The following EYS variants were observed in gnomAD, a reference collection of about 807,000 sequenced individuals.
EYS encodes protein eyes shut homolog.
A neutral mutation model predicts 282.1 loss-of-function variants in EYS; 250 were observed. The observed-to-expected ratio is 0.89, with a 90% CI of 0.80 to 0.98. EYS has a LOEUF of 0.98. Ranked by LOEUF, EYS falls within the 50% of genes least tolerant of loss-of-function variation. EYS has a pLI of 0.00. For synonymous variants in EYS, 1,355 were observed against 1,282.9 expected (o/e 1.06, Z -1.20); for missense variants, 4,016 against 3,709.0 (o/e 1.08, Z -2.15).
chr6:65,447,322 A>G (rs1304547724), intron 5 of EYS, among the ~76,000 whole-genome samples: 1 of 86,772 alleles, frequency 1.2e-5, no homozygotes, highest in South Asian at 3.6e-4. Flanking sequence ...GTGTGTATAT[A>G]TATGTGTGTG....
rs192570898 is a variant in EYS, at chr6:63,868,239, C to T, written c.7056-3881G>A. On this transcript the variant is annotated intron_variant, in intron 35 of 42. Coordinates refer to ENST00000503581, the MANE Select transcript of EYS (RefSeq NM_001142800.2). ...ACAACTATATATTTTGGAATTGTAA[C>T]TGCTACGGGATATTTGATTACAAGT... Among the ~76,000 whole-genome samples, 294 of 152,184 alleles carry T rather than the reference C, an allele frequency of 1.9e-3. 1 individual carries two copies. Among genetic ancestry groups the T allele is most frequent in the Non-Finnish European group, 3.4e-3 (228 of 68,000 alleles).
At chr6:65,705,748 C>T (rs1010174169) in intron 1 of EYS, among the ~76,000 whole-genome samples, 10 of 151,974 alleles carry the variant, frequency 6.6e-5, no homozygotes, top group Admixed American at 6.6e-4. Context: ...AATATCAATG[C>T]CCTTTTCCTT....
At chr6:65,203,881 A>G (rs1765963054) in intron 12 of EYS, among the ~76,000 whole-genome samples, 1 of 151,330 alleles carries the variant, frequency 6.6e-6, no homozygotes, top group Non-Finnish European at 1.5e-5. Context: ...TATTTTTTAA[A>G]TAACTGGAAA....
intron 14 of EYS, among the ~76,000 whole-genome samples, chr6:64,960,389 T>C (rs1326746162): frequency 6.6e-6 from 1 of 152,184 alleles, no homozygotes; most frequent in East Asian, 1.9e-4. Flanking sequence ...AAAGGATTTT[T>C]CCTTTTACCT....
intron 31 of EYS, among the ~76,000 whole-genome samples, chr6:64,146,621 G>GT (rs1774527023): frequency 6.6e-6 from 1 of 152,144 alleles, no homozygotes; most frequent in Non-Finnish European, 1.5e-5. Context: ...TTTGAAAAGT[G>GT]TAGGACATGC....
At chr6:64,033,828 C>CTATATATATATATA (rs1491226014) in intron 33 of EYS, among the ~76,000 whole-genome samples, 48 of 59,206 alleles carry the variant, frequency 8.1e-4, no homozygotes, top group African/African-American at 2.7e-3. Flanking sequence ...AATGAGATTA[C>CTATATATATATATA]TCTCTCTCTC....
intron 37 of EYS, among the ~76,000 whole-genome samples, chr6:63,793,063 G>A (rs757551879): frequency 6.6e-6 from 1 of 152,190 alleles, no homozygotes; most frequent in Non-Finnish European, 1.5e-5. Context: ...TAATGACTAA[G>A]TGGGGGATCT....
intron 26 of EYS, among the ~76,000 whole-genome samples, chr6:64,469,392 TATATAA>T (rs1776034913): frequency 6.6e-6 from 1 of 152,120 alleles, no homozygotes; most frequent in Non-Finnish European, 1.5e-5. Context: ...GATATGATTA[TATATAA>T]ATATAATTAA....
At chr6:65,089,540 T>C (rs996629103) in intron 12 of EYS, among the ~76,000 whole-genome samples, 7 of 152,168 alleles carry the variant, frequency 4.6e-5, no homozygotes, top group African/African-American at 1.7e-4. Context: ...GTATCCCCAT[T>C]GTATCTAGGA....
chr6:64,954,111 TCTA>T (rs1378691776), intron 14 of EYS, among the ~76,000 whole-genome samples: 2 of 151,974 alleles, frequency 1.3e-5, no homozygotes, highest in Non-Finnish European at 2.9e-5. Flanking sequence ...ATCTAGTAAA[TCTA>T]CTATCAAAAT....
At chr6:65,288,264 A>C (rs780360049) in intron 12 of EYS, among the ~76,000 whole-genome samples, 5 of 150,880 alleles carry the variant, frequency 3.3e-5, no homozygotes, top group African/African-American at 4.8e-5. Flanking sequence ...GGAATCCTAT[A>C]AATAAAGAAC....
Position 65,452,861 on chromosome 6 carries a change from C to A in EYS, c.862+37733G>T, listed in dbSNP as rs116450782. On this transcript the variant is annotated intron_variant, in intron 5 of 42. Coordinates refer to ENST00000503581, the MANE Select transcript of EYS (RefSeq NM_001142800.2). Reference sequence around the variant, plus strand: ...TAAATTTGTTGAATACAAATATGAACAAACATCCATTGACCAACAAACTGT... The same window carrying A: ...TAAATTTGTTGAATACAAATATGAAAAAACATCCATTGACCAACAAACTGT... Among the ~76,000 whole-genome samples the A allele has an allele frequency of 4.9e-4, 75 of 152,076 alleles. 1 individual carries two copies. The highest frequency in any genetic ancestry group is 1.8e-3 in the African/African-American group (73 of 41,526).
At chr6:65,032,465 T>C (rs1190584068) in intron 13 of EYS, among the ~76,000 whole-genome samples, 4 of 152,116 alleles carry the variant, frequency 2.6e-5, no homozygotes, top group African/African-American at 7.2e-5. Context: ...ATGAATGAGT[T>C]TGTATGTGAT....
chr6:65,389,209 C>T (rs1765915292), intron 7 of EYS, among the ~76,000 whole-genome samples: 1 of 152,120 alleles, frequency 6.6e-6, no homozygotes, highest in Admixed American at 6.6e-5. Context: ...TGCCATTGTA[C>T]TTAGAGTGAA....
chr6:64,234,650 AT>A (rs1766527600), intron 30 of EYS, among the ~76,000 whole-genome samples: 1 of 152,116 alleles, frequency 6.6e-6, no homozygotes, highest in South Asian at 2.1e-4. Flanking sequence ...CTAGCTTTAT[AT>A]TTTGTCATTC....
At chr6:64,171,512 C>A (rs1261293976) in intron 31 of EYS, among the ~76,000 whole-genome samples, 1 of 151,570 alleles carries the variant, frequency 6.6e-6, no homozygotes, top group Non-Finnish European at 1.5e-5. Flanking sequence ...CTTTTACTGA[C>A]TGATCTAGAA....
At chr6:63,732,166 C>A (rs374796214) in intron 41 of EYS, among the ~76,000 whole-genome samples, 1 of 151,988 alleles carries the variant, frequency 6.6e-6, no homozygotes, top group African/African-American at 2.4e-5. Context: ...CCTCCTAACT[C>A]GTGCTTTTCC....
In EYS at chr6:64,912,595, G is replaced by T; in HGVS notation, c.2530C>A (p.Gln844Lys). The stretch of plus-strand genomic sequence containing the variant: ...AGGTTATAGCGTTGGTGGCAAAATT[G>T]TCCAGTATAAAGGGGTGGGCACAGA... ...VCLCPPLYTG[Q>K]FCHQRYNLCD... The change falls in exon 16 of 43, where the codon CAA becomes AAA. Residue 844 changes from glutamine (Q) to lysine (K), a missense_variant. Physicochemically the swap from Gln to Lys is moderately conservative, Grantham distance 53. Coordinates refer to ENST00000503581, the MANE Select transcript of EYS (RefSeq NM_001142800.2). 1.3e-6 allele frequency: 2 copies of T among 1,551,302 alleles called. No homozygotes were observed. Among genetic ancestry groups the T allele is most frequent in the Non-Finnish European group, 1.7e-6 (2 of 1,146,710 alleles).
intron 12 of EYS, among the ~76,000 whole-genome samples, chr6:65,249,446 A>C (rs985647409): frequency 6.6e-6 from 1 of 152,022 alleles, no homozygotes; most frequent in African/African-American, 2.4e-5. Context: ...CCAGTATTTC[A>C]TGCAAGGTCA....
Sources: gnomAD v4.1 joint callset for allele counts (sites outside exome capture counted in the v4.1 genomes callset) on GRCh38, gnomAD v4.1.1 for gene constraint, MANE v1.5 for transcripts, NCBI Gene and HGNC (gene_info 2026-07-23, HGNC 2026-07-21) for gene names.